Variants in CENPP observed in about 807,000 individuals in gnomAD.
The protein encoded by CENPP is centromere protein P.
A neutral mutation model predicts 35.6 loss-of-function variants in CENPP; 24 were observed. That is an observed-to-expected ratio of 0.67 (90% CI 0.49 to 0.95). CENPP has a LOEUF of 0.95. Among genes scored for constraint, CENPP ranks in the 40% least tolerant of loss-of-function variants. The pLI is 0.00. For missense variants in CENPP, 332 were observed against 345.3 expected, an observed-to-expected ratio of 0.96 and a Z score of 0.31; for synonymous variants, 120 against 125.5, an observed-to-expected ratio of 0.96 and a Z score of 0.29.
At chr9:92,397,378 A>G (rs986340710) in intron 5 of CENPP, among the ~76,000 whole-genome samples, 3 of 152,130 alleles carry the variant, frequency 2.0e-5, no homozygotes, top group African/African-American at 7.2e-5. Flanking sequence ...CCCAGGCTGG[A>G]GTGCAGTGGT....
chr9:92,381,741 A>G (rs771536039), intron 5 of CENPP, among the ~76,000 whole-genome samples: 2 of 152,218 alleles, frequency 1.3e-5, no homozygotes, highest in Non-Finnish European at 2.9e-5. Context: ...GTGTAATGAT[A>G]TACCTGGAAA....
chr9:92,572,254 TC>T (rs1392907371), intron 5 of CENPP, among the ~76,000 whole-genome samples: 1 of 152,206 alleles, frequency 6.6e-6, no homozygotes, highest in Non-Finnish European at 1.5e-5. Flanking sequence ...ATTTAGTGCT[TC>T]CTTCAGGAGC....
At chr9:92,456,623 TAAAAA>T (rs397950642) in intron 5 of CENPP, 2 of 143,748 alleles carry the variant, frequency 1.4e-5, no homozygotes, top group African/African-American at 5.1e-5. Flanking sequence ...AGGTAATAAT[TAAAAA>T]AAAAAAAGCA....
chr9:92,434,862 G>A (rs777787492), intron 5 of CENPP, among the ~76,000 whole-genome samples: 42 of 152,206 alleles, frequency 2.8e-4, no homozygotes, highest in Non-Finnish European at 5.4e-4. Context: ...GACCAGCCGG[G>A]CCGACATGGC....
intron 5 of CENPP, chr9:92,386,201 C>G: frequency 6.3e-7 from 1 of 1,595,230 alleles, no homozygotes; most frequent in Non-Finnish European, 8.6e-7. Context: ...ACTATCATAC[C>G]TGAAGATGAA....
Position 92,346,157 on chromosome 9 carries a change from A to C in CENPP, c.467+370A>C, listed in dbSNP as rs371943343. ...AAGGAGAGTTACATAATGCTGTTGA[A>C]GTATATATCAGGAATTTTTGTTTTT... On this transcript the variant is annotated intron_variant, in intron 4 of 7. Transcript: ENST00000375587. 4.6e-5 allele frequency among the ~76,000 whole-genome samples: 7 copies of C among 152,308 alleles called. 1 individual carries two copies. The highest frequency in any genetic ancestry group is 1.4e-4 in the African/African-American group (6 of 41,576).
chr9:92,546,999 C>T (rs1849476938), intron 5 of CENPP, among the ~76,000 whole-genome samples: 1 of 152,156 alleles, frequency 6.6e-6, no homozygotes, highest in African/African-American at 2.4e-5. Flanking sequence ...TTTTGCAGGT[C>T]AGTCTCACTA....
rs1354524330 is a variant in CENPP at position 92,611,294 on chromosome 9, C to T, written c.565-20C>T. Reference sequence around the variant, plus strand: ...CTCCCCACCAGTGGATCTGTCTACCCGTTTCTTCTCCCCATGCAGGAAAAG... The same window carrying T: ...CTCCCCACCAGTGGATCTGTCTACCTGTTTCTTCTCCCCATGCAGGAAAAG... On this transcript the variant is annotated intron_variant, in intron 5 of 7. Coordinates refer to ENST00000375587, the MANE Select transcript of CENPP (RefSeq NM_001012267.3). The T allele has an allele frequency of 4.4e-6, 7 of 1,602,898 alleles. No individual in the cohort carries two copies. Among genetic ancestry groups the T allele is most frequent in the African/African-American group, 2.7e-5 (2 of 74,668 alleles).
At chr9:92,441,878 G>A (rs1258164710) in intron 5 of CENPP, among the ~76,000 whole-genome samples, 1 of 152,154 alleles carries the variant, frequency 6.6e-6, no homozygotes, top group Non-Finnish European at 1.5e-5. Context: ...CAGTTGGCAA[G>A]TTGAACATTT....
intron 5 of CENPP, chr9:92,403,534 G>A: frequency 1.4e-6 from 2 of 1,408,112 alleles, no homozygotes; most frequent in South Asian, 3.6e-5. Context: ...CTTAGAGGAT[G>A]TTTTGGCAGG....
intron 5 of CENPP, chr9:92,459,707 A>T (rs758861627): frequency 5.0e-6 from 8 of 1,613,108 alleles, no homozygotes. Flanking sequence ...TTTCTCTCAC[A>T]CGTGGTATGT....
chr9:92,398,339 T>C (rs1842976356), intron 5 of CENPP, among the ~76,000 whole-genome samples: 1 of 152,174 alleles, frequency 6.6e-6, no homozygotes, highest in Admixed American at 6.5e-5. Flanking sequence ...ACGTATTTGG[T>C]TTTTTGACTA....
At chr9:92,464,914 C>G in intron 5 of CENPP, 12 of 1,582,844 alleles carry the variant, frequency 7.6e-6, no homozygotes, top group Non-Finnish European at 1.0e-5. Flanking sequence ...AAAGTAAATA[C>G]AAACCTTTAG....
At chr9:92,493,965 T>G (rs1479937751) in intron 5 of CENPP, 1 of 853,898 alleles carries the variant, frequency 1.2e-6, no homozygotes, top group African/African-American at 1.7e-5. Context: ...CCGTTGAGGG[T>G]GGCCGTAGTC....
chr9:92,393,957 T>C (rs1430129024), intron 5 of CENPP, among the ~76,000 whole-genome samples: 1 of 152,166 alleles, frequency 6.6e-6, no homozygotes, highest in Non-Finnish European at 1.5e-5. Flanking sequence ...GTCACTTGGT[T>C]CAACTAGTAT....
At chr9:92,362,010 G>A (rs1044733601) in intron 4 of CENPP, among the ~76,000 whole-genome samples, 4 of 151,990 alleles carry the variant, frequency 2.6e-5, no homozygotes, top group African/African-American at 7.3e-5. Context: ...CTGGGTGACA[G>A]AGCAAGACTC....
intron 5 of CENPP, chr9:92,401,253 T>A (rs1843099832): frequency 4.1e-6 from 3 of 736,896 alleles, no homozygotes; most frequent in Non-Finnish European, 7.2e-6. Context: ...AATGAAGGGA[T>A]CACAGACACC....
chr9:92,383,044 C>T (rs567679213), intron 5 of CENPP, among the ~76,000 whole-genome samples: 2 of 151,818 alleles, frequency 1.3e-5, no homozygotes, highest in South Asian at 2.1e-4. Context: ...TACAGGCACC[C>T]GCCACCACAC....
At position 92,579,824 on chromosome 9, in the gene CENPP, A is replaced by G. The variant is rs1193850214; in HGVS notation, c.565-31490A>G. Among the ~76,000 whole-genome samples the G allele has an allele frequency of 9.7e-5, 13 of 134,304 alleles. No individual in the cohort carries two copies. The East Asian group carries it at 2.6e-3, about 27-fold the overall frequency. 88.1% of individuals were successfully genotyped at this position (134,304 alleles called of 152,430 possible). On this transcript the variant is annotated intron_variant, in intron 5 of 7. Transcript: ENST00000375587. Reference sequence around the variant, plus strand: ...CTCCTGCCTAATTGCCCTGGCCAGAACTTCCAATACTATGTTGAATAGGAG... The same window carrying G: ...CTCCTGCCTAATTGCCCTGGCCAGAGCTTCCAATACTATGTTGAATAGGAG...
Sources: allele counts gnomAD v4.1 joint callset (sites outside exome capture counted in the v4.1 genomes callset), GRCh38; gene constraint gnomAD v4.1.1; transcripts MANE v1.5; gene names NCBI Gene and HGNC (gene_info 2026-07-23, HGNC 2026-07-21).